The following POLA1 variants were observed in gnomAD, a reference collection of about 807,000 sequenced individuals.
POLA1 encodes the protein DNA polymerase alpha catalytic subunit.
POLA1 carries 15 observed loss-of-function variants against 124.0 expected under a neutral mutation model. The observed-to-expected ratio is 0.12, with a 90% CI of 0.08 to 0.19. POLA1 has a LOEUF of 0.19. Among genes scored for constraint, POLA1 ranks in the 10% least tolerant of loss-of-function variants. POLA1 has a pLI of 1.00. For synonymous variants in POLA1, 408 were observed against 389.4 expected (o/e 1.05, Z -0.56); for missense variants, 886 against 1,103.4 (o/e 0.80, Z 2.79).
At chrX:24,871,691 G>A (rs954131357) in intron 34 of POLA1, among the ~76,000 whole-genome samples, 16 of 110,749 alleles carry the variant, frequency 1.4e-4, no homozygotes, top group African/African-American at 5.3e-4. Flanking sequence ...ATGAAAGAAG[G>A]GACTGAGGCC....
chrX:24,695,551 G>T (rs1025412918), intron 1 of POLA1, among the ~76,000 whole-genome samples: 1 of 111,119 alleles, frequency 9.0e-6, no homozygotes, highest in African/African-American at 3.3e-5. Context: ...CGTGATCTCA[G>T]CTGGCTGCAA....
intron 36 of POLA1, among the ~76,000 whole-genome samples, chrX:24,950,243 C>G (rs1238474619): frequency 8.9e-6 from 1 of 112,167 alleles, no homozygotes; most frequent in Admixed American, 9.5e-5. Flanking sequence ...ACACTGTCCA[C>G]CGGAACTCTT....
At chrX:24,875,561 GTATC>G (rs1461023299) in intron 34 of POLA1, among the ~76,000 whole-genome samples, 1 of 111,926 alleles carries the variant, frequency 8.9e-6, no homozygotes, top group African/African-American at 3.3e-5. Context: ...AGAAATCACA[GTATC>G]TATAATTTCG....
chrX:24,792,263 A>AC (rs947045643), intron 26 of POLA1, among the ~76,000 whole-genome samples: 4 of 110,817 alleles, frequency 3.6e-5, no homozygotes, highest in African/African-American at 9.9e-5. Flanking sequence ...GCTGTTAAGC[A>AC]CCCCCCTCCC....
intron 36 of POLA1, among the ~76,000 whole-genome samples, chrX:24,943,215 C>T (rs1209166925): frequency 8.9e-6 from 1 of 112,222 alleles, no homozygotes; most frequent in Non-Finnish European, 1.9e-5. Flanking sequence ...TTAAAACAGA[C>T]GTCTTTAACT....
chrX:24,951,008 A>G (rs980017618), intron 36 of POLA1, among the ~76,000 whole-genome samples: 4 of 111,888 alleles, frequency 3.6e-5, no homozygotes, highest in Non-Finnish European at 5.6e-5. Flanking sequence ...ATGTTATAAC[A>G]TAGGAGAGGA....
chrX:24,770,267 G>T (rs1420127177), intron 26 of POLA1, among the ~76,000 whole-genome samples: 1 of 111,675 alleles, frequency 9.0e-6, no homozygotes, highest in African/African-American at 3.3e-5. Flanking sequence ...TATAGTCTGA[G>T]TTGGGAGTAG....
intron 30 of POLA1, 151 bp from the exon 31 acceptor site, chrX:24,821,301 A>T: frequency 2.6e-6 from 1 of 388,566 alleles, no homozygotes; most frequent in Non-Finnish European, 4.3e-6. Context: ...TGGGATGTTT[A>T]AAGATTCTGT....
At chrX:24,898,676 G>T (rs983170735) in intron 35 of POLA1, among the ~76,000 whole-genome samples, 4 of 111,634 alleles carry the variant, frequency 3.6e-5, no homozygotes, top group Non-Finnish European at 5.6e-5. Flanking sequence ...TTTCATCTGA[G>T]CCCATTAAAA....
intron 4 of POLA1, among the ~76,000 whole-genome samples, chrX:24,709,196 GAC>G (rs1929096868): frequency 1.0e-5 from 1 of 95,313 alleles, no homozygotes; most frequent in Non-Finnish European, 2.1e-5. Flanking sequence ...CAGGGGGGCT[GAC>G]CCCCCCACCT....
intron 11 of POLA1, among the ~76,000 whole-genome samples, chrX:24,723,505 G>T (rs1176439046): frequency 8.9e-6 from 1 of 111,991 alleles, no homozygotes; most frequent in African/African-American, 3.2e-5. Context: ...AAGTTTCTGA[G>T]ATTTAGTATA....
chrX:24,782,249 T>G (rs988662351), intron 26 of POLA1, among the ~76,000 whole-genome samples: 1 of 112,011 alleles, frequency 8.9e-6, no homozygotes, highest in Non-Finnish European at 1.9e-5. Flanking sequence ...TTGGTGAGAA[T>G]GGAATCAAAA....
chrX:24,718,734 C>T (rs1448654280), intron 10 of POLA1, among the ~76,000 whole-genome samples: 1 of 111,603 alleles, frequency 9.0e-6, no homozygotes, highest in Non-Finnish European at 1.9e-5. Context: ...GAGGGATGGG[C>T]TGGTGTAGGG....
At chrX:24,698,951 CCTGT>C (rs1262911798) in intron 1 of POLA1, among the ~76,000 whole-genome samples, 1 of 112,362 alleles carries the variant, frequency 8.9e-6, no homozygotes, top group African/African-American at 3.2e-5. Flanking sequence ...CCACGCCCAG[CCTGT>C]CTTTGTGTCT....
intron 26 of POLA1, among the ~76,000 whole-genome samples, chrX:24,790,905 GTATA>G (rs1224793451): frequency 9.4e-5 from 6 of 63,578 alleles, no homozygotes; most frequent in African/African-American, 3.4e-4. Flanking sequence ...ATTTATTTAT[GTATA>G]TGTATATATA....
chrX:24,939,473 G>A (rs953256901), intron 36 of POLA1, among the ~76,000 whole-genome samples: 4 of 111,280 alleles, frequency 3.6e-5, no homozygotes, highest in East Asian at 2.8e-4. Context: ...TCTTAATTAC[G>A]TAATTACTAT....
chrX:24,842,011 A>C, intron 33 of POLA1, 181 bp downstream of exon 33: 1 of 367,223 alleles, frequency 2.7e-6, no homozygotes, highest in Non-Finnish European at 4.6e-6. Context: ...CTGTTTGAAA[A>C]CTCTTACTTG....
At chrX:24,733,097 C>T (rs189012490) in intron 16 of POLA1, among the ~76,000 whole-genome samples, 1 of 111,983 alleles carries the variant, frequency 8.9e-6, no homozygotes, top group Admixed American at 9.5e-5. Flanking sequence ...TCTTTTTCAG[C>T]CCAGAAGCAG....
At chrX:24,817,600 T>G (rs1601763458) in intron 30 of POLA1, among the ~76,000 whole-genome samples, 1 of 86,381 alleles carries the variant, frequency 1.2e-5, no homozygotes, top group South Asian at 5.9e-4. Flanking sequence ...AGAGCAAGAT[T>G]CCATCTCAAA....
Sources: allele counts gnomAD v4.1 joint callset (sites outside exome capture counted in the v4.1 genomes callset), GRCh38; gene constraint gnomAD v4.1.1; transcripts MANE v1.5; gene names NCBI Gene and HGNC (gene_info 2026-07-23, HGNC 2026-07-21).